The following NEGR1 variants were observed in gnomAD, a reference collection of about 807,000 sequenced individuals.
The protein encoded by NEGR1 is IgLON family member 4.
In NEGR1, 10 loss-of-function variants were observed where a neutral mutation model predicts 40.9. The ratio of observed to expected loss-of-function variants is 0.24; its 90% CI spans 0.15 to 0.42. NEGR1 has a LOEUF of 0.42. NEGR1 is among the 10% of genes least tolerant of loss of function. The pLI is 1.00. For synonymous variants in NEGR1, 185 were observed against 166.8 expected (o/e 1.11, Z -0.84); for missense variants, 352 against 438.9 (o/e 0.80, Z 1.77).
Position 71,398,809 on chromosome 1 carries a change from A to G in NEGR1, c.*8637T>C, listed in dbSNP as rs1323499796. On this transcript the variant is annotated 3_prime_UTR_variant, in exon 7 of 7. Coordinates refer to ENST00000357731, the MANE Select transcript of NEGR1 (RefSeq NM_173808.3). The stretch of plus-strand genomic sequence containing the variant: ...GGAATTCCCACGGATTGTGGGAGGG[A>G]CTTGGTGGGAGGTAATTGAATCATG... 1 of 152,024 alleles carries G rather than the reference A, an allele frequency of 6.6e-6. No individual in the cohort carries two copies. The highest frequency in any genetic ancestry group is 1.5e-5 in the Non-Finnish European group (1 of 68,012). The allele number at this position is 152,024 out of a possible 1,614,324, so 9.4% of individuals were successfully genotyped here. A position where few individuals can be genotyped will look rare whatever the true frequency, so the allele number is the denominator to read the frequency against.
rs75686778 is a variant in NEGR1, at chr1:71,662,315, G to A, written c.667+35693C>T. On this transcript the variant is annotated intron_variant, in intron 4 of 6. Transcript: ENST00000357731. ...GGGTTTTGAACTATCCACAGGCATA[G>A]ATGTTTTTGTTATTATCATTCTCAG... is the stretch of plus-strand genomic sequence containing the variant. Among the ~76,000 whole-genome samples, 419 of 152,276 alleles carry A rather than the reference G, an allele frequency of 2.8e-3. 2 individuals are homozygous for A. Among genetic ancestry groups the A allele is most frequent in the African/African-American group, 9.7e-3 (403 of 41,566 alleles).
chr1:71,568,866 G>GTGTGTA (rs1471502318), intron 6 of NEGR1, among the ~76,000 whole-genome samples: 1 of 138,446 alleles, frequency 7.2e-6, no homozygotes, highest in East Asian at 2.1e-4. Context: ...GTGTGTGTGT[G>GTGTGTA]TATACGTATA....
Position 72,213,227 on chromosome 1 carries a change from G to A in NEGR1, c.176+69092C>T, listed in dbSNP as rs192843771. On this transcript the variant is annotated intron_variant, in intron 1 of 6. Transcript: ENST00000357731. Reference sequence around the variant, plus strand: ...AAGGTGGGCATATTATGAATGCAAGGTGTAATCCGCAGATACGAATGAGGA... The same window carrying A: ...AAGGTGGGCATATTATGAATGCAAGATGTAATCCGCAGATACGAATGAGGA... 1.6e-3 allele frequency among the ~76,000 whole-genome samples: 250 copies of A among 152,030 alleles called. 1 individual carries two copies. The highest frequency in any genetic ancestry group is 3.1e-3 in the Non-Finnish European group (208 of 67,934).
At chr1:71,605,292 A>G (rs993113762) in intron 5 of NEGR1, among the ~76,000 whole-genome samples, 2 of 152,172 alleles carry the variant, frequency 1.3e-5, no homozygotes, top group Non-Finnish European at 2.9e-5. Flanking sequence ...TCAAGCTAAC[A>G]TATCAGTTGC....
At chr1:71,904,490 C>T (rs145628687) in intron 2 of NEGR1, among the ~76,000 whole-genome samples, 3 of 152,058 alleles carry the variant, frequency 2.0e-5, no homozygotes, top group African/African-American at 7.2e-5. Context: ...CACTTAATGC[C>T]GTAGCAACAT....
intron 1 of NEGR1, among the ~76,000 whole-genome samples, chr1:72,133,691 A>C (rs1650341181): frequency 6.6e-6 from 1 of 151,810 alleles, no homozygotes; most frequent in African/African-American, 2.4e-5. Flanking sequence ...AAAACTGAAA[A>C]TATTTTAGCA....
chr1:72,189,793 AT>A lies in NEGR1; in HGVS notation c.176+92525del, dbSNP rs1237319435. ...CCAGGCACACAATAAGACAACTGGT[AT>A]TATATTGTTCATGATACAAGATTGT... On this transcript the variant is annotated intron_variant, in intron 1 of 6. Coordinates refer to ENST00000357731, the MANE Select transcript of NEGR1 (RefSeq NM_173808.3). Among the ~76,000 whole-genome samples the A allele has an allele frequency of 2.0e-5, 3 of 151,720 alleles. No homozygotes were observed. In the Admixed American group the frequency reaches 2.0e-4, roughly 10 times the overall value.
chr1:71,424,186 T>G (rs142003554), intron 6 of NEGR1, among the ~76,000 whole-genome samples: 2,298 of 152,216 alleles, frequency 0.015, 38 homozygotes, highest in South Asian at 0.076. Context: ...AATTCAATCA[T>G]AGACATAAGG....
At chr1:72,063,848 T>C (rs1241170252) in intron 1 of NEGR1, among the ~76,000 whole-genome samples, 1 of 150,906 alleles carries the variant, frequency 6.6e-6, no homozygotes, top group Admixed American at 6.7e-5. Context: ...ACAATGGCTA[T>C]GTGCTTCCTC....
At chr1:72,120,951 C>T (rs1649779504) in intron 1 of NEGR1, among the ~76,000 whole-genome samples, 1 of 151,990 alleles carries the variant, frequency 6.6e-6, no homozygotes, top group Non-Finnish European at 1.5e-5. Flanking sequence ...AAGGTGCCAA[C>T]ACTCAGTAAG....
chr1:71,693,114 T>G (rs772842530), intron 4 of NEGR1, among the ~76,000 whole-genome samples: 1 of 151,734 alleles, frequency 6.6e-6, no homozygotes, highest in African/African-American at 2.4e-5. Flanking sequence ...TATCTCTGCA[T>G]CTCAATTTTC....
intron 1 of NEGR1, among the ~76,000 whole-genome samples, chr1:72,175,528 T>C (rs552900833): frequency 6.6e-6 from 1 of 152,182 alleles, no homozygotes; most frequent in African/African-American, 2.4e-5. Flanking sequence ...AAATCTAAAA[T>C]TGCTACTAGT....
intron 1 of NEGR1, among the ~76,000 whole-genome samples, chr1:72,038,797 C>T (rs1437265903): frequency 6.6e-6 from 1 of 151,886 alleles, no homozygotes; most frequent in African/African-American, 2.4e-5. Context: ...AATTCCAGTG[C>T]AACACTGAGT....
intron 1 of NEGR1, among the ~76,000 whole-genome samples, chr1:72,112,701 GAAGA>G: frequency 6.7e-6 from 1 of 149,306 alleles, no homozygotes; most frequent in East Asian, 2.0e-4. Context: ...AAAAAAAAAT[GAAGA>G]AAGAGTGATC....
intron 6 of NEGR1, among the ~76,000 whole-genome samples, chr1:71,481,994 C>T (rs1034843462): frequency 2.6e-5 from 4 of 151,754 alleles, no homozygotes; most frequent in Non-Finnish European, 4.4e-5. Context: ...ACCAGGAGCC[C>T]AATTTCTACA....
chr1:71,981,213 G>A (rs1362160639), intron 1 of NEGR1, among the ~76,000 whole-genome samples: 2 of 152,148 alleles, frequency 1.3e-5, no homozygotes, highest in East Asian at 3.9e-4. Flanking sequence ...TATGATAAAT[G>A]AGAGTCTCTC....
At chr1:71,486,210 C>G (rs1368279643) in intron 6 of NEGR1, among the ~76,000 whole-genome samples, 2 of 151,588 alleles carry the variant, frequency 1.3e-5, no homozygotes, top group African/African-American at 4.8e-5. Flanking sequence ...TGATGTGGAA[C>G]ATCTTTTCAC....
intron 4 of NEGR1, among the ~76,000 whole-genome samples, chr1:71,661,318 T>G (rs1652046525): frequency 6.6e-6 from 1 of 152,168 alleles, no homozygotes; most frequent in African/African-American, 2.4e-5. Context: ...ATTGGAATAC[T>G]TTTACACTGT....
chr1:71,936,187 A>G (rs2554418), intron 1 of NEGR1, among the ~76,000 whole-genome samples: 5,573 of 152,318 alleles, frequency 0.037, 346 homozygotes, highest in African/African-American at 0.13. Context: ...TGATAAAACT[A>G]TAAACTATGT....
Sources: gnomAD v4.1 joint callset for allele counts (sites outside exome capture counted in the v4.1 genomes callset) on GRCh38, gnomAD v4.1.1 for gene constraint, MANE v1.5 for transcripts, NCBI Gene and HGNC (gene_info 2026-07-23, HGNC 2026-07-21) for gene names.